The following AKAP6 variants were observed in gnomAD, a reference collection of about 807,000 sequenced individuals.
AKAP6 encodes A-kinase anchoring protein 6, also known as A-kinase anchor protein 6.
A neutral mutation model predicts 188.5 loss-of-function variants in AKAP6; 58 were observed. That is an observed-to-expected ratio of 0.31 (90% CI 0.25 to 0.38). The LOEUF (loss-of-function observed/expected upper bound fraction) is 0.38, where lower values mean the gene tolerates loss of function less well. AKAP6 is among the 10% of genes least tolerant of loss of function. AKAP6 has a pLI of 1.00. For synonymous variants in AKAP6, 989 were observed against 998.6 expected, an observed-to-expected ratio of 0.99 and a Z score of 0.18; for missense variants, 2,710 against 2,740.0, an observed-to-expected ratio of 0.99 and a Z score of 0.24.
chr14:32,380,897 T>C (rs72666176), intron 1 of AKAP6, among the ~76,000 whole-genome samples: 10,820 of 152,286 alleles, frequency 0.071, 597 homozygotes, highest in South Asian at 0.25. Context: ...AAAGAGTTTT[T>C]TTTTTCCTTA....
At chr14:32,749,337 T>A (rs777751542) in intron 11 of AKAP6, among the ~76,000 whole-genome samples, 25 of 152,348 alleles carry the variant, frequency 1.6e-4, no homozygotes, top group Admixed American at 3.9e-4. Context: ...ACTTTCAGCT[T>A]GGCACAAAAT....
intron 5 of AKAP6, among the ~76,000 whole-genome samples, chr14:32,589,369 T>A (rs1290987022): frequency 6.6e-6 from 1 of 152,198 alleles, no homozygotes; most frequent in Non-Finnish European, 1.5e-5. Context: ...ACCACTCAAA[T>A]CCTGGCCTTG....
Position 32,835,930 on chromosome 14 carries a change from G to A in AKAP6, c.*6125G>A, listed in dbSNP as rs1327619773. The A allele has an allele frequency of 1.3e-5, 2 of 152,174 alleles. No homozygotes were observed. The highest frequency in any genetic ancestry group is 2.9e-5 in the Non-Finnish European group (2 of 68,036). The allele number at this position is 152,174 out of a possible 1,614,324, so 9.4% of individuals were successfully genotyped here. A position where few individuals can be genotyped will look rare whatever the true frequency, so the allele number is the denominator to read the frequency against. On this transcript the variant is annotated 3_prime_UTR_variant, in exon 14 of 14. Transcript: ENST00000280979. ...TTTGCATTTCCAGAGTAAAATAATA[G>A]GATGACATGGGCAGGTCAGGCCCAC...
intron 7 of AKAP6, among the ~76,000 whole-genome samples, chr14:32,605,582 T>TTCAGCCAAAAA (rs1428305060): frequency 6.6e-6 from 1 of 152,226 alleles, no homozygotes; most frequent in Non-Finnish European, 1.5e-5. Flanking sequence ...GAACATATTG[T>TTCAGCCAAAAA]TTAAGCCAAA....
intron 4 of AKAP6, among the ~76,000 whole-genome samples, chr14:32,548,261 C>T (rs1883287563): frequency 6.6e-6 from 1 of 152,000 alleles, no homozygotes; most frequent in Non-Finnish European, 1.5e-5. Context: ...ACAACCATGC[C>T]CAGCTAATTT....
At chr14:32,361,305 G>T (rs1242878323) in intron 1 of AKAP6, among the ~76,000 whole-genome samples, 1 of 152,084 alleles carries the variant, frequency 6.6e-6, no homozygotes, top group Non-Finnish European at 1.5e-5. Flanking sequence ...GTGTGTGCAT[G>T]CATGTGCTTA....
In AKAP6 at chr14:32,599,512, T is replaced by G. The variant is rs1215175085; in HGVS notation, c.2566+6T>G. 6.2e-7 allele frequency: 1 copy of G among 1,611,230 alleles called. No homozygotes were observed. Among genetic ancestry groups the G allele is most frequent in the Non-Finnish European group, 8.5e-7 (1 of 1,178,146 alleles). On this transcript the variant is annotated splice_donor_region_variant and intron_variant, in intron 6 of 13. Coordinates refer to ENST00000280979, the MANE Select transcript of AKAP6 (RefSeq NM_004274.5). ...TATTGCATCTCACAAAGCAGGTAAA[T>G]CCTCCTGAAATATTGCAAGTCTTTA...
At chr14:32,367,550 A>G (rs1887874556) in intron 1 of AKAP6, among the ~76,000 whole-genome samples, 1 of 152,130 alleles carries the variant, frequency 6.6e-6, no homozygotes, top group African/African-American at 2.4e-5. Context: ...TGATTTCAAT[A>G]TCTATTTGTA....
intron 4 of AKAP6, among the ~76,000 whole-genome samples, chr14:32,562,966 G>C (rs1024413995): frequency 6.6e-6 from 1 of 152,130 alleles, no homozygotes; most frequent in Non-Finnish European, 1.5e-5. Flanking sequence ...TTAATAGGAT[G>C]TAGGGTCCAT....
chr14:32,703,831 G>T (rs1890707892), intron 9 of AKAP6, among the ~76,000 whole-genome samples: 1 of 152,136 alleles, frequency 6.6e-6, no homozygotes, highest in Non-Finnish European at 1.5e-5. Flanking sequence ...CTTGGTAAAG[G>T]GTTAACAGTC....
intron 12 of AKAP6, among the ~76,000 whole-genome samples, chr14:32,784,937 C>G (rs1394263327): frequency 1.3e-5 from 2 of 150,992 alleles, no homozygotes; most frequent in African/African-American, 4.9e-5. Flanking sequence ...TTATTGGAGA[C>G]TGCCTGGAAT....
chr14:32,374,939 G>A, intron 1 of AKAP6, among the ~76,000 whole-genome samples: 1 of 152,112 alleles, frequency 6.6e-6, no homozygotes, highest in Non-Finnish European at 1.5e-5. Flanking sequence ...ATCTTTGTAG[G>A]TTTTAAGATA....
intron 4 of AKAP6, among the ~76,000 whole-genome samples, chr14:32,549,256 C>T (rs1956204): frequency 0.4 from 60,308 of 151,864 alleles, 15,961 homozygotes; most frequent in African/African-American, 0.75. Context: ...CAATAAGTAC[C>T]GAATATAAAA....
chr14:32,422,006 A>T (rs1889866027), intron 1 of AKAP6, among the ~76,000 whole-genome samples: 1 of 152,182 alleles, frequency 6.6e-6, no homozygotes, highest in African/African-American at 2.4e-5. Flanking sequence ...AGACCCTGTG[A>T]TTCATTCTTT....
intron 7 of AKAP6, among the ~76,000 whole-genome samples, chr14:32,675,883 A>G (rs975155036): frequency 6.6e-6 from 1 of 152,192 alleles, no homozygotes; most frequent in Non-Finnish European, 1.5e-5. Context: ...TGTACACAGA[A>G]ATGGCTGAGA....
intron 7 of AKAP6, among the ~76,000 whole-genome samples, chr14:32,609,890 C>CTG: frequency 3.3e-5 from 3 of 91,404 alleles, no homozygotes; most frequent in Non-Finnish European, 4.7e-5. Flanking sequence ...GACACACACA[C>CTG]ACACACACAC....
chr14:32,651,465 A>G (rs1888222727), intron 7 of AKAP6, among the ~76,000 whole-genome samples: 1 of 152,208 alleles, frequency 6.6e-6, no homozygotes, highest in African/African-American at 2.4e-5. Context: ...TGAGTAATTT[A>G]TAAAGAACAG....
chr14:32,568,598 T>TG lies in AKAP6; in HGVS notation c.2347-8517dup, dbSNP rs1316251789. Among the ~76,000 whole-genome samples, 3 of 152,220 alleles carry TG rather than the reference T, an allele frequency of 2.0e-5. No homozygotes were observed. Among genetic ancestry groups the TG allele is most frequent in the African/African-American group, 7.2e-5 (3 of 41,540 alleles). ...CTGCTTATCCAGTGTCTTGGAGGATTGGGGGTGCTTGAAGCAAGGTCTCAC... is the reference window on the plus strand; with the variant it reads ...CTGCTTATCCAGTGTCTTGGAGGATTGGGGGGTGCTTGAAGCAAGGTCTCAC... On this transcript the variant is annotated intron_variant, in intron 4 of 13. Coordinates refer to ENST00000280979, the MANE Select transcript of AKAP6 (RefSeq NM_004274.5). The surrounding 1 kb of genome is among the most constrained non-coding windows in gnomAD (Gnocchi z 6.2).
At chr14:32,387,391 C>A (rs1403809714) in intron 1 of AKAP6, among the ~76,000 whole-genome samples, 1 of 151,532 alleles carries the variant, frequency 6.6e-6, no homozygotes, top group Non-Finnish European at 1.5e-5. Flanking sequence ...GGAATGCTTT[C>A]AACTTTTCCC....
Sources: allele counts gnomAD v4.1 joint callset (sites outside exome capture counted in the v4.1 genomes callset), GRCh38; gene constraint gnomAD v4.1.1; non-coding constraint Gnocchi (gnomAD v3.1); transcripts MANE v1.5; gene names NCBI Gene and HGNC (gene_info 2026-07-23, HGNC 2026-07-21).